The following RSBN1L variants were observed in gnomAD, a reference collection of about 807,000 sequenced individuals.
RSBN1L encodes the protein lysine-specific demethylase RSBN1L.
RSBN1L carries 30 observed loss-of-function variants against 67.7 expected under a neutral mutation model. That is an observed-to-expected ratio of 0.44 (90% CI 0.33 to 0.60). The LOEUF (loss-of-function observed/expected upper bound fraction) is 0.60. Among genes scored for constraint, RSBN1L ranks in the 20% least tolerant of loss-of-function variants. The probability of loss-of-function intolerance (pLI) is 0.02; values close to 1 mark genes in which losing one functional copy is unlikely to be tolerated. For missense variants in RSBN1L, 992 were observed against 1,031.7 expected (o/e 0.96, Z 0.53); for synonymous variants, 433 against 387.0 (o/e 1.12, Z -1.39).
intron 1 of RSBN1L, among the ~76,000 whole-genome samples, chr7:77,701,792 C>T (rs554473184): frequency 1.2e-4 from 18 of 151,744 alleles, no homozygotes; most frequent in African/African-American, 4.3e-4. Context: ...GCTGGTATTA[C>T]AGGTGTGCGC....
rs1169498942 is a variant in RSBN1L, at chr7:77,742,182, T to TACACAC, written c.703+5687_703+5692dup. Among the ~76,000 whole-genome samples, 462 of 80,280 alleles carry TACACAC rather than the reference T, an allele frequency of 5.8e-3. 8 individuals are homozygous for TACACAC. Among genetic ancestry groups the TACACAC allele is most frequent in the East Asian group, 0.015 (47 of 3,130 alleles). 52.7% of individuals were successfully genotyped at this position (80,280 alleles called of 152,430 possible). Reference sequence around the variant, plus strand: ...CCATCTTTAAAAAAAAAAAAAAAAATACACACACACACACACACACACACA... The same window carrying TACACAC: ...CCATCTTTAAAAAAAAAAAAAAAAATACACACACACACACACACACACACACACACA... On this transcript the variant is annotated intron_variant, in intron 2 of 7. Transcript: ENST00000334955.
chr7:77,739,371 T>A (rs1357197262), intron 2 of RSBN1L, among the ~76,000 whole-genome samples: 1 of 152,124 alleles, frequency 6.6e-6, no homozygotes, highest in Non-Finnish European at 1.5e-5. Flanking sequence ...CTAAAATAGA[T>A]GTCAAGTATG....
At chr7:77,734,612 C>T (rs1408695477) in intron 1 of RSBN1L, among the ~76,000 whole-genome samples, 1 of 151,954 alleles carries the variant, frequency 6.6e-6, no homozygotes, top group Non-Finnish European at 1.5e-5. Flanking sequence ...CCTCAGTCTC[C>T]CAAGTAGCTG....
At chr7:77,723,903 C>T (rs1351195641) in intron 1 of RSBN1L, among the ~76,000 whole-genome samples, 1 of 151,914 alleles carries the variant, frequency 6.6e-6, no homozygotes, top group Non-Finnish European at 1.5e-5. Flanking sequence ...CACTGCACTC[C>T]AGCCTGGGAC....
At chr7:77,705,125 G>T (rs900960833) in intron 1 of RSBN1L, among the ~76,000 whole-genome samples, 6 of 151,822 alleles carry the variant, frequency 4.0e-5, no homozygotes, top group African/African-American at 1.2e-4. Context: ...GTCTAGATTC[G>T]CTTTTATATT....
chr7:77,748,937 CTG>C (rs1791519288), intron 2 of RSBN1L, among the ~76,000 whole-genome samples: 2 of 152,144 alleles, frequency 1.3e-5, no homozygotes, highest in African/African-American at 4.8e-5. Flanking sequence ...CTCTCTCTCT[CTG>C]TCTCTCTCTC....
chr7:77,769,981 G>A (rs2150433179), intron 5 of RSBN1L, among the ~76,000 whole-genome samples: 1 of 152,244 alleles, frequency 6.6e-6, no homozygotes, highest in African/African-American at 2.4e-5. Flanking sequence ...ATAAAAACAC[G>A]AAAGGTAAAT....
At chr7:77,727,729 G>A (rs75388076) in intron 1 of RSBN1L, among the ~76,000 whole-genome samples, 2,100 of 151,990 alleles carry the variant, frequency 0.014, 50 homozygotes, top group African/African-American at 0.048. Context: ...GCCTCCCAGA[G>A]TGTTTGGATT....
intron 1 of RSBN1L, among the ~76,000 whole-genome samples, chr7:77,732,596 A>G: frequency 6.6e-6 from 1 of 152,152 alleles, no homozygotes; most frequent in Non-Finnish European, 1.5e-5. Context: ...GCCCTCCCAA[A>G]GTGCTGGGAT....
intron 1 of RSBN1L, among the ~76,000 whole-genome samples, chr7:77,718,312 T>C (rs1301212776): frequency 6.6e-6 from 1 of 152,200 alleles, no homozygotes; most frequent in African/African-American, 2.4e-5. Context: ...TATTTTGTTT[T>C]ATGTTTTTTG....
intron 2 of RSBN1L, among the ~76,000 whole-genome samples, chr7:77,743,459 GT>G (rs1562802787): frequency 2.2e-5 from 2 of 92,726 alleles, no homozygotes; most frequent in Non-Finnish European, 2.0e-5. Context: ...AAATAAGTTG[GT>G]TTTGTTTTTT....
In RSBN1L at chr7:77,782,925, A is replaced by G. The variant is rs1792017711; in HGVS notation, c.*3757A>G. 1 of 152,174 alleles carries G rather than the reference A, an allele frequency of 6.6e-6. No individual in the cohort carries two copies. The highest frequency in any genetic ancestry group is 1.5e-5 in the Non-Finnish European group (1 of 68,024). The allele number at this position is 152,174 out of a possible 1,614,324, so 9.4% of individuals were successfully genotyped here. ...ATGTAAAACAAATATCTCAAAATTC[A>G]TTTTACATTTAGCAAAGGTGCAACA... On this transcript the variant is annotated 3_prime_UTR_variant, in exon 8 of 8. Coordinates refer to ENST00000334955, the MANE Select transcript of RSBN1L (RefSeq NM_198467.3).
rs1261136238 is a variant in RSBN1L at position 77,749,547 on chromosome 7, T to G, written c.827T>G (p.Ile276Ser). ...CGTCCGAAAATGTATAGCAAATCTA[T>G]TCAGACCATCTGCTCAGGATTGCTA... ...RKRPKMYSKSIQTICSGLLTD... is the reference protein window; with the variant it reads ...RKRPKMYSKSSQTICSGLLTD... The change falls in exon 3 of 8, where the codon ATT (isoleucine) becomes AGT (serine). Residue 276 changes from isoleucine (I) to serine (S), a missense_variant. Ile to Ser is a moderately radical substitution (Grantham distance 142). Transcript: ENST00000334955. The G allele has an allele frequency of 5.6e-6, 9 of 1,613,668 alleles. No individual in the cohort carries two copies. The highest frequency in any genetic ancestry group is 7.6e-6 in the Non-Finnish European group (9 of 1,179,944).
intron 1 of RSBN1L, among the ~76,000 whole-genome samples, chr7:77,733,250 A>C (rs1791293420): frequency 1.3e-5 from 2 of 152,246 alleles, no homozygotes; most frequent in Non-Finnish European, 1.5e-5. Flanking sequence ...AGAGCAAGAC[A>C]GATGTGTGGG....
chr7:77,735,405 TATC>T (rs1313605702), intron 1 of RSBN1L, among the ~76,000 whole-genome samples: 1 of 152,122 alleles, frequency 6.6e-6, no homozygotes. Context: ...AAGCAAAATA[TATC>T]ATTAAAATTA....
intron 2 of RSBN1L, among the ~76,000 whole-genome samples, chr7:77,747,812 A>G (rs183689563): frequency 3.9e-5 from 6 of 152,110 alleles, no homozygotes; most frequent in Non-Finnish European, 4.4e-5. Context: ...CTATAAAGAA[A>G]TACTTCAGAC....
At chr7:77,750,105 T>C in intron 3 of RSBN1L, 41 bp downstream of exon 3, 1 of 1,205,480 alleles carries the variant, frequency 8.3e-7, no homozygotes, top group Non-Finnish European at 1.1e-6. Flanking sequence ...TTTAATTATA[T>C]ATTTTTAGAT....
intron 3 of RSBN1L, among the ~76,000 whole-genome samples, chr7:77,752,845 C>T (rs1345132669): frequency 6.6e-6 from 1 of 152,168 alleles, no homozygotes; most frequent in Non-Finnish European, 1.5e-5. Flanking sequence ...TGATCACTGT[C>T]CTGACTTTGA....
chr7:77,768,449 C>G (rs551558032), intron 4 of RSBN1L: 681 of 515,880 alleles, frequency 1.3e-3, no homozygotes, highest in Non-Finnish European at 2.1e-3. Flanking sequence ...CAGAACCATC[C>G]AAGCATAATT....
Sources: allele counts gnomAD v4.1 joint callset (sites outside exome capture counted in the v4.1 genomes callset), GRCh38; gene constraint gnomAD v4.1.1; transcripts MANE v1.5; gene names NCBI Gene and HGNC (gene_info 2026-07-23, HGNC 2026-07-21).